Variants in LPP observed in about 807,000 individuals in gnomAD.
LPP encodes LIM domain containing preferred translocation partner in lipoma.
In LPP, 38 loss-of-function variants were observed where a neutral mutation model predicts 60.4. The ratio of observed to expected loss-of-function variants is 0.63; its 90% CI spans 0.49 to 0.83. LPP has a LOEUF of 0.83. Ranked by LOEUF, LPP falls within the 40% of genes least tolerant of loss-of-function variation. The pLI is 0.00. For missense variants in LPP, 902 were observed against 783.6 expected (o/e 1.15, Z -1.80); for synonymous variants, 328 against 290.8 (o/e 1.13, Z -1.30).
rs796229976 is a variant in LPP at position 188,527,885 on chromosome 3, G to A, written c.429+3098G>A. 6.2e-4 allele frequency among the ~76,000 whole-genome samples: 94 copies of A among 151,990 alleles called. 2 individuals are homozygous for A. Among genetic ancestry groups the A allele is most frequent in the African/African-American group, 2.2e-3 (93 of 41,454 alleles). On this transcript the variant is annotated intron_variant, in intron 6 of 11. Coordinates refer to ENST00000617246, the MANE Select transcript of LPP (RefSeq NM_001375462.1). ...TGCCTCAGCCTCCCAAATTTAGGGA[G>A]GATAGCAACAGTGTTTCTGGCTGCA...
At chr3:188,543,860 T>C (rs1448166316) in intron 6 of LPP, among the ~76,000 whole-genome samples, 1 of 152,170 alleles carries the variant, frequency 6.6e-6, no homozygotes, top group Non-Finnish European at 1.5e-5. Context: ...CTAGGGGGAA[T>C]CTTATAAACC....
At chr3:188,788,247 C>T (rs1406742091) in intron 9 of LPP, among the ~76,000 whole-genome samples, 1 of 152,210 alleles carries the variant, frequency 6.6e-6, no homozygotes, top group Admixed American at 6.5e-5. Context: ...ATGTAAAGAG[C>T]TCATAGCCAC....
chr3:188,777,134 C>A (rs917366003), intron 9 of LPP, among the ~76,000 whole-genome samples: 1 of 150,600 alleles, frequency 6.6e-6, no homozygotes, highest in African/African-American at 2.4e-5. Context: ...ACCCAGAATA[C>A]TTTTATAGTT....
At chr3:188,536,039 A>T (rs10937352) in intron 6 of LPP, among the ~76,000 whole-genome samples, 1 of 136,960 alleles carries the variant, frequency 7.3e-6, no homozygotes, top group African/African-American at 2.8e-5. Context: ...ATGGAGTTTC[A>T]GTCTTGTTGC....
chr3:188,734,397 T>C (rs1240004176), intron 8 of LPP, among the ~76,000 whole-genome samples: 3 of 152,250 alleles, frequency 2.0e-5, no homozygotes, highest in Non-Finnish European at 4.4e-5. Flanking sequence ...GAAACTTGTT[T>C]AGTTCATTGC....
At position 188,217,544 on chromosome 3, in the gene LPP, A is replaced by G. The variant is rs187479182; in HGVS notation, c.-189-7861A>G. 6.6e-6 allele frequency among the ~76,000 whole-genome samples: 1 copy of G among 152,224 alleles called. No homozygotes were observed. Among genetic ancestry groups the G allele is most frequent in the African/African-American group, 2.4e-5 (1 of 41,518 alleles). The stretch of plus-strand genomic sequence containing the variant: ...GGTAGAAGCAAGAAGGTTAGGCTAG[A>G]CTTTTACCGTAATTCAGGTGTGATG... On this transcript the variant is annotated intron_variant, in intron 1 of 11. Coordinates refer to ENST00000617246, the MANE Select transcript of LPP (RefSeq NM_001375462.1). This position sits in a 1 kb window ranked among gnomAD's most constrained non-coding sequence, Gnocchi z 4.0.
intron 6 of LPP, among the ~76,000 whole-genome samples, chr3:188,581,772 C>G (rs1836214262): frequency 6.6e-6 from 1 of 152,160 alleles, no homozygotes; most frequent in African/African-American, 2.4e-5. Flanking sequence ...AACACAACCC[C>G]TCATTCTTCC....
intron 1 of LPP, chr3:188,178,994 AAG>A (rs374762580): frequency 8.9e-3 from 2,352 of 264,696 alleles, no homozygotes; most frequent in South Asian, 0.018. Flanking sequence ...GAGCACGACA[AAG>A]AGAGAGAGAG....
chr3:188,385,794 G>A (rs1778110967), intron 3 of LPP, among the ~76,000 whole-genome samples: 1 of 152,180 alleles, frequency 6.6e-6, no homozygotes, highest in Non-Finnish European at 1.5e-5. Flanking sequence ...TTAACAGGAA[G>A]ATTCTAACAC....
chr3:188,339,773 C>T (rs1009130142), intron 2 of LPP, among the ~76,000 whole-genome samples: 2 of 152,170 alleles, frequency 1.3e-5, no homozygotes, highest in African/African-American at 4.8e-5. Flanking sequence ...CAAACTGTAT[C>T]ACACTCTTCA....
At chr3:188,369,961 C>T (rs909636799) in intron 3 of LPP, among the ~76,000 whole-genome samples, 2 of 152,188 alleles carry the variant, frequency 1.3e-5, no homozygotes, top group Non-Finnish European at 2.9e-5. Context: ...CAGAGTCTCT[C>T]TCTGTTGCCC....
chr3:188,487,673 G>T (rs1023895842), intron 5 of LPP, among the ~76,000 whole-genome samples: 1 of 152,184 alleles, frequency 6.6e-6, no homozygotes, highest in African/African-American at 2.4e-5. Context: ...TGTGATAGCG[G>T]CTTGGTCCTG....
intron 2 of LPP, among the ~76,000 whole-genome samples, chr3:188,340,145 T>C (rs1313828891): frequency 6.6e-6 from 1 of 152,186 alleles, no homozygotes; most frequent in African/African-American, 2.4e-5. Flanking sequence ...TGCTTACTGA[T>C]TTTGGTATCA....
chr3:188,395,917 A>G (rs974568213), intron 3 of LPP, among the ~76,000 whole-genome samples: 14 of 25,608 alleles, frequency 5.5e-4, no homozygotes, highest in Non-Finnish European at 9.3e-4. Flanking sequence ...TTGTCTCTAA[A>G]TAATAATAAT....
chr3:188,176,656 A>G (rs779902997), intron 1 of LPP, among the ~76,000 whole-genome samples: 3 of 152,196 alleles, frequency 2.0e-5, no homozygotes, highest in Admixed American at 6.5e-5. Flanking sequence ...TCACAACTGT[A>G]TTTAGACTAG....
intron 8 of LPP, among the ~76,000 whole-genome samples, chr3:188,717,662 G>A (rs1181813134): frequency 3.3e-5 from 5 of 152,058 alleles, no homozygotes; most frequent in Non-Finnish European, 7.4e-5. Flanking sequence ...TAGTTAATGA[G>A]GCATATTAGA....
chr3:188,234,444 G>A (rs1350074007), intron 2 of LPP, among the ~76,000 whole-genome samples: 1 of 152,196 alleles, frequency 6.6e-6, no homozygotes, highest in African/African-American at 2.4e-5. Flanking sequence ...CGCCATGGGA[G>A]TGGAGAGTGA....
intron 9 of LPP, among the ~76,000 whole-genome samples, chr3:188,806,417 G>C (rs940723691): frequency 1.3e-5 from 2 of 151,588 alleles, no homozygotes; most frequent in African/African-American, 4.8e-5. Flanking sequence ...TATTTTTCCA[G>C]CCTTTTGTTT....
At chr3:188,670,548 G>T (rs1205723677) in intron 7 of LPP, among the ~76,000 whole-genome samples, 1 of 151,734 alleles carries the variant, frequency 6.6e-6, no homozygotes, top group South Asian at 2.1e-4. Context: ...GCTATCTCAG[G>T]CCAGAAGCAG....
Sources: gnomAD v4.1 joint callset for allele counts (sites outside exome capture counted in the v4.1 genomes callset) on GRCh38, gnomAD v4.1.1 for gene constraint, Gnocchi (gnomAD v3.1) non-coding constraint, MANE v1.5 for transcripts, NCBI Gene and HGNC (gene_info 2026-07-23, HGNC 2026-07-21) for gene names.